PTPRC: variants seen among roughly 807,000 people sequenced by gnomAD.
PTPRC encodes protein tyrosine phosphatase receptor type C.
In PTPRC, 44 loss-of-function variants were observed where a neutral mutation model predicts 155.9. The observed-to-expected ratio is 0.28, with a 90% CI of 0.22 to 0.36. The LOEUF is 0.36. PTPRC is among the 10% of genes least tolerant of loss of function. PTPRC has a pLI of 1.00. For synonymous variants in PTPRC, 525 were observed against 533.1 expected, an observed-to-expected ratio of 0.98 and a Z score of 0.21; for missense variants, 1,401 against 1,564.6, an observed-to-expected ratio of 0.90 and a Z score of 1.76.
chr1:198,728,549 A>C, intron 16 of PTPRC, 101 bp downstream of exon 16: 1 of 1,428,354 alleles, frequency 7.0e-7, no homozygotes. Context: ...AAATATGTGA[A>C]CTAGAGAGAA....
At chr1:198,755,488 C>T (rs1271224392) in intron 32 of PTPRC, among the ~76,000 whole-genome samples, 6 of 151,100 alleles carry the variant, frequency 4.0e-5, no homozygotes, top group African/African-American at 1.5e-4. Context: ...AGTAAAATGA[C>T]AGAAAAATTA....
chr1:198,656,248 A>G (rs16843608), intron 2 of PTPRC, among the ~76,000 whole-genome samples: 1,547 of 152,224 alleles, frequency 0.01, 24 homozygotes, highest in African/African-American at 0.036. Flanking sequence ...TATTTGAAAG[A>G]TTAACAGGGA....
At chr1:198,667,362 G>A (rs1183447681) in intron 2 of PTPRC, among the ~76,000 whole-genome samples, 3 of 152,148 alleles carry the variant, frequency 2.0e-5, no homozygotes, top group Non-Finnish European at 4.4e-5. Context: ...TGTTTATCAT[G>A]TCTTCTAGTT....
chr1:198,654,508 C>T (rs1442747380), intron 2 of PTPRC, among the ~76,000 whole-genome samples: 2 of 151,622 alleles, frequency 1.3e-5, no homozygotes, highest in Non-Finnish European at 3.0e-5. Flanking sequence ...GAAAAGACAA[C>T]TATATATTTT....
intron 10 of PTPRC, 24 bp downstream of exon 10, chr1:198,708,285 GA>G: frequency 1.9e-6 from 3 of 1,593,546 alleles, no homozygotes; most frequent in Non-Finnish European, 2.6e-6. Flanking sequence ...ATTGACCAGA[GA>G]ATTTTTTTTT....
chr1:198,726,879 T>C (rs2102469630), intron 15 of PTPRC, among the ~76,000 whole-genome samples: 1 of 151,558 alleles, frequency 6.6e-6, no homozygotes. Flanking sequence ...TTTTTTTTTT[T>C]CTTGACAGAG....
intron 2 of PTPRC, among the ~76,000 whole-genome samples, chr1:198,643,784 T>G (rs115302573): frequency 2.1e-3 from 312 of 151,708 alleles, no homozygotes; most frequent in African/African-American, 5.9e-3. Context: ...TGTAGCGGAG[T>G]GATAACACAA....
At chr1:198,734,111 G>C (rs1447848622) in intron 20 of PTPRC, 85 bp from the exon 21 acceptor site, 31 of 1,279,754 alleles carry the variant, frequency 2.4e-5, no homozygotes, top group African/African-American at 5.9e-5. Context: ...TGGATCTGAA[G>C]CAATTCCTCT....
Position 198,756,481 on chromosome 1 carries a change from A to T in PTPRC, c.*300A>T, listed in dbSNP as rs186966321. 1.6e-3 allele frequency: 410 copies of T among 256,700 alleles called. 3 individuals are homozygous for T. The highest frequency in any genetic ancestry group is 8.4e-3 in the African/African-American group (375 of 44,486). The allele number at this position is 256,700 out of a possible 1,614,324, so 15.9% of individuals were successfully genotyped here. ...GTGTGTGTTTGTGTGAGAGACAGAGAAAGAGAGAGAATTCTTTCAAGTGAA... is the reference window on the plus strand; with the variant it reads ...GTGTGTGTTTGTGTGAGAGACAGAGTAAGAGAGAGAATTCTTTCAAGTGAA... On this transcript the variant is annotated 3_prime_UTR_variant, in exon 33 of 33. Transcript: ENST00000442510.
chr1:198,709,396 C>T (rs1010560725), intron 10 of PTPRC, among the ~76,000 whole-genome samples: 11 of 151,956 alleles, frequency 7.2e-5, no homozygotes, highest in Non-Finnish European at 1.5e-4. Flanking sequence ...CTTGTGTCCT[C>T]TTCCCAATAT....
intron 12 of PTPRC, among the ~76,000 whole-genome samples, chr1:198,715,200 G>A (rs1653515802): frequency 6.6e-6 from 1 of 152,066 alleles, no homozygotes; most frequent in Non-Finnish European, 1.5e-5. Flanking sequence ...TCGGCTCACT[G>A]CAAGCTCCGC....
intron 2 of PTPRC, among the ~76,000 whole-genome samples, chr1:198,668,072 T>C (rs1257157053): frequency 6.6e-6 from 1 of 152,164 alleles, no homozygotes; most frequent in Non-Finnish European, 1.5e-5. Flanking sequence ...AGAATAATGA[T>C]TGTTAGAGTG....
chr1:198,676,475 T>C (rs1054667680), intron 2 of PTPRC, among the ~76,000 whole-genome samples: 6 of 152,120 alleles, frequency 3.9e-5, no homozygotes, highest in Non-Finnish European at 7.4e-5. Context: ...GCCAAGAAAA[T>C]GGGTTTCTGA....
chr1:198,709,664 T>C (rs771694288), intron 10 of PTPRC, 23 bp from the exon 11 acceptor site: 1 of 1,508,364 alleles, frequency 6.6e-7, no homozygotes, highest in Non-Finnish European at 9.1e-7. Flanking sequence ...GATATATTCA[T>C]TCGAAATATT....
At chr1:198,713,182 A>C in intron 12 of PTPRC, 110 bp downstream of exon 12, 1 of 1,473,508 alleles carries the variant, frequency 6.8e-7, no homozygotes, top group Non-Finnish European at 9.4e-7. Context: ...TAGAGACTGC[A>C]TAGGCATAGT....
chr1:198,754,774 A>G (rs1367756667), intron 32 of PTPRC, among the ~76,000 whole-genome samples: 1 of 152,094 alleles, frequency 6.6e-6, no homozygotes, highest in East Asian at 1.9e-4. Flanking sequence ...ATTATGGTTC[A>G]GTAGTCTAAT....
chr1:198,694,086 A>C, intron 3 of PTPRC: 3 of 1,549,324 alleles, frequency 1.9e-6, no homozygotes, highest in East Asian at 4.9e-5. Flanking sequence ...GGAAGCTGAC[A>C]GTTCAGCCTT....
At chr1:198,663,463 C>T (rs1257268697) in intron 2 of PTPRC, among the ~76,000 whole-genome samples, 1 of 152,142 alleles carries the variant, frequency 6.6e-6, no homozygotes, top group Non-Finnish European at 1.5e-5. Flanking sequence ...AATCTTGAGC[C>T]TGAATACATT....
At position 198,696,765 on chromosome 1, in the gene PTPRC, AC is replaced by A. The variant is rs1558004385; in HGVS notation, c.155del (p.Thr52IlefsTer115). 6.2e-7 allele frequency: 1 copy of A among 1,613,972 alleles called. No homozygotes were observed. Among genetic ancestry groups the A allele is most frequent in the Admixed American group, 1.7e-5 (1 of 60,004 alleles). On this transcript the variant is annotated frameshift_variant, in exon 4 of 33. Transcript: ENST00000442510. LOFTEE classifies it high-confidence loss of function. The stretch of plus-strand genomic sequence containing the variant: ...TCCACTTTCAAGTGACCCCTTACCT[AC>A]TCACACCACTGCATTCTCACCCGCA... Reference protein sequence around the residue: ...SVPLSSDPLPTHTTAFSPAST... With the variant: ...SVPLSSDPLPXHTTAFSPAST...
Sources: allele counts gnomAD v4.1 joint callset (sites outside exome capture counted in the v4.1 genomes callset), GRCh38; gene constraint gnomAD v4.1.1; transcripts MANE v1.5; gene names NCBI Gene and HGNC (gene_info 2026-07-23, HGNC 2026-07-21).